Variants in POGZ observed in about 807,000 individuals in gnomAD.
POGZ encodes the protein pogo transposable element derived with ZNF domain.
In POGZ, 17 loss-of-function variants were observed where a neutral mutation model predicts 134.6. The ratio of observed to expected loss-of-function variants is 0.13; its 90% CI spans 0.09 to 0.19. The LOEUF (loss-of-function observed/expected upper bound fraction) is 0.19, where lower values mean the gene tolerates loss of function less well. Ranked by LOEUF, POGZ falls within the 10% of genes least tolerant of loss-of-function variation. The pLI is 1.00. For missense variants in POGZ, 1,306 were observed against 1,769.7 expected (o/e 0.74, Z 4.70); for synonymous variants, 693 against 657.1 (o/e 1.05, Z -0.84).
At chr1:151,435,455 CAGAATAGTAAA>C (rs1659416105) in intron 3 of POGZ, among the ~76,000 whole-genome samples, 1 of 151,408 alleles carries the variant, frequency 6.6e-6, no homozygotes, top group African/African-American at 2.4e-5. Context: ...GAACATCAAA[CAGAATAGTAAA>C]AATATTCCAA....
In POGZ at chr1:151,459,263, T is replaced by C. The variant is rs1338911314; in HGVS notation, c.-113A>G. The C allele has an allele frequency of 3.3e-5, 5 of 150,914 alleles. No homozygotes were observed. The highest frequency in any genetic ancestry group is 1.2e-4 in the African/African-American group (5 of 41,156). The allele number at this position is 150,914 out of a possible 1,614,324, so 9.3% of individuals were successfully genotyped here. A position where few individuals can be genotyped will look rare whatever the true frequency, so the allele number is the denominator to read the frequency against. On this transcript the variant is annotated 5_prime_UTR_variant, in exon 1 of 19. Transcript: ENST00000271715. ...GGGAGCAGGGGGAGGGGACGGGGGC[T>C]TGGGGGGAGACGAAGAAGAGGTAAC... is the stretch of plus-strand genomic sequence containing the variant.
intron 1 of POGZ, among the ~76,000 whole-genome samples, chr1:151,452,609 T>C (rs532608920): frequency 6.6e-6 from 1 of 152,222 alleles, no homozygotes; most frequent in African/African-American, 2.4e-5. Context: ...CTCACGCCTG[T>C]AATCCCAGCA....
In POGZ at chr1:151,403,711, C is replaced by T. The variant is rs1250657112; in HGVS notation, c.*1091G>A. ...AAGTATTAAGAGAAATAGGGGAAAG[C>T]CACAGAGCACGCTGGATTTCAACAA... On this transcript the variant is annotated 3_prime_UTR_variant, in exon 19 of 19. Coordinates refer to ENST00000271715, the MANE Select transcript of POGZ (RefSeq NM_015100.4). 1 of 985,736 alleles carries T rather than the reference C, an allele frequency of 1.0e-6. No homozygotes were observed. The highest frequency in any genetic ancestry group is 1.7e-5 in the African/African-American group (1 of 57,242). The allele number at this position is 985,736 out of a possible 1,614,324, so 61.1% of individuals were successfully genotyped here.
In POGZ at chr1:151,404,054, GGGAA is replaced by G; in HGVS notation, c.*744_*747del. On this transcript the variant is annotated 3_prime_UTR_variant, in exon 19 of 19. Transcript: ENST00000271715. ...AATATTGTTTATGTCATGTTTTGGAGGGAAGGTGGTGAGGAAAAGACAAATCTAT... is the reference window on the plus strand; with the variant it reads ...AATATTGTTTATGTCATGTTTTGGAGGGTGGTGAGGAAAAGACAAATCTAT... 1 of 985,448 alleles carries G rather than the reference GGGAA, an allele frequency of 1.0e-6. No individual in the cohort carries two copies. The highest frequency in any genetic ancestry group is 1.2e-6 in the Non-Finnish European group (1 of 829,914). The allele number at this position is 985,448 out of a possible 1,614,324, so 61.0% of individuals were successfully genotyped here. A position where few individuals can be genotyped will look rare whatever the true frequency, so the allele number is the denominator to read the frequency against.
chr1:151,412,661 T>A (rs1305772073), intron 10 of POGZ, among the ~76,000 whole-genome samples: 2 of 152,202 alleles, frequency 1.3e-5, no homozygotes, highest in Non-Finnish European at 2.9e-5. Flanking sequence ...TCGTCAACTC[T>A]AACCTAATTC....
chr1:151,448,246 C>T (rs1557948432), intron 1 of POGZ, among the ~76,000 whole-genome samples: 1 of 152,034 alleles, frequency 6.6e-6, no homozygotes, highest in Non-Finnish European at 1.5e-5. Context: ...CATTACTTCC[C>T]CTCTTATCCT....
At chr1:151,424,477 G>A (rs141579828) in intron 8 of POGZ, 191 bp from the exon 9 acceptor site, 4 of 473,704 alleles carry the variant, frequency 8.4e-6, no homozygotes, top group African/African-American at 2.0e-5. Flanking sequence ...CCACCCAAGC[G>A]CTATACTTTG....
At chr1:151,445,675 GCTGACTGAACATATTTCACAGACTTATA>G (rs1239872976) in intron 1 of POGZ, among the ~76,000 whole-genome samples, 1 of 152,002 alleles carries the variant, frequency 6.6e-6, no homozygotes, top group Admixed American at 6.6e-5. Context: ...TATTAGGTCT[GCTGACTGAACATATTTCACAGACTTATA>G]CACAAAGCAT....
chr1:151,406,672 A>T, intron 17 of POGZ, 41 bp from the exon 18 acceptor site: 1 of 1,561,240 alleles, frequency 6.4e-7, no homozygotes, highest in Non-Finnish European at 8.8e-7. Context: ...GCTCAGTGAA[A>T]AAATAAGCCC....
chr1:151,429,688 C>T lies in POGZ; in HGVS notation c.483G>A (p.Arg161=). Residue 161 remains arginine, a synonymous_variant, in exon 5 of 19, where the codon CGG becomes CGA. Transcript: ENST00000271715. ...CCTGATTCATTGCATTTTGTACAGG[C>T]CGGACATTCCTTACAGGAAATCCCT... The part of the protein sequence containing the change: ...TTQGFPVRNV[R]PVQNAMNQVG... 1 of 1,611,608 alleles carries T rather than the reference C, an allele frequency of 6.2e-7. No individual in the cohort carries two copies. Among genetic ancestry groups the T allele is most frequent in the African/African-American group, 1.3e-5 (1 of 74,950 alleles).
At chr1:151,440,817 C>G (rs1278824457) in intron 3 of POGZ, 111 bp downstream of exon 3, 1 of 796,632 alleles carries the variant, frequency 1.3e-6, no homozygotes, top group Non-Finnish European at 2.0e-6. Flanking sequence ...CATTTTCCAA[C>G]TAGTAGAACC....
intron 1 of POGZ, among the ~76,000 whole-genome samples, chr1:151,450,008 T>C (rs1661832757): frequency 6.8e-6 from 1 of 148,140 alleles, no homozygotes; most frequent in South Asian, 2.2e-4. Context: ...TATAATCACC[T>C]ACCTGTGAAA....
At chr1:151,406,780 T>C in intron 17 of POGZ, 131 bp downstream of exon 17, 1 of 972,172 alleles carries the variant, frequency 1.0e-6, no homozygotes, top group Non-Finnish European at 1.6e-6. Context: ...GGTCGGAAGG[T>C]TTCTAATTAG....
chr1:151,449,309 C>T (rs1661708164), intron 1 of POGZ, among the ~76,000 whole-genome samples: 1 of 152,120 alleles, frequency 6.6e-6, no homozygotes, highest in Non-Finnish European at 1.5e-5. Flanking sequence ...TATCAGAGGT[C>T]ACGTTTGCCC....
At chr1:151,420,273 T>G (rs1656664620) in intron 10 of POGZ, among the ~76,000 whole-genome samples, 1 of 152,284 alleles carries the variant, frequency 6.6e-6, no homozygotes, top group East Asian at 1.9e-4. Context: ...TGAGTCCTAT[T>G]CTAGACCAAG....
At chr1:151,448,531 ATTTAG>A (rs1661587629) in intron 1 of POGZ, among the ~76,000 whole-genome samples, 1 of 152,148 alleles carries the variant, frequency 6.6e-6, no homozygotes, top group Admixed American at 6.6e-5. Flanking sequence ...AAGAGGACAC[ATTTAG>A]TTTAATCAAG....
chr1:151,420,201 T>C (rs1656651660), intron 10 of POGZ, among the ~76,000 whole-genome samples: 1 of 152,114 alleles, frequency 6.6e-6, no homozygotes. Context: ...AAAAAACTGG[T>C]GTTTTCACTA....
At chr1:151,443,671 G>A (rs1660877416) in intron 1 of POGZ, among the ~76,000 whole-genome samples, 1 of 151,728 alleles carries the variant, frequency 6.6e-6, no homozygotes, top group African/African-American at 2.4e-5. Context: ...CACAATTCAC[G>A]CCACTGCACT....
intron 7 of POGZ, 102 bp from the exon 8 acceptor site, chr1:151,425,163 A>C: frequency 3.1e-6 from 2 of 653,450 alleles, no homozygotes; most frequent in Non-Finnish European, 2.8e-6. Context: ...AAGTATATAA[A>C]AGGGTAAGCA....
Sources: allele counts gnomAD v4.1 joint callset (sites outside exome capture counted in the v4.1 genomes callset), GRCh38; gene constraint gnomAD v4.1.1; transcripts MANE v1.5; gene names NCBI Gene and HGNC (gene_info 2026-07-23, HGNC 2026-07-21).